The following FRMD4A variants were observed in gnomAD, a reference collection of about 807,000 sequenced individuals.
FRMD4A encodes FERM domain-containing protein 4A.
Under a neutral mutation model 129.1 loss-of-function variants are expected in FRMD4A, and 29 were observed. The ratio of observed to expected loss-of-function variants is 0.22; its 90% CI spans 0.17 to 0.31. The LOEUF (loss-of-function observed/expected upper bound fraction) is 0.31. Among genes scored for constraint, FRMD4A ranks in the 10% least tolerant of loss-of-function variants. The pLI is 1.00. For synonymous variants in FRMD4A, 634 were observed against 571.6 expected (o/e 1.11, Z -1.56); for missense variants, 1,272 against 1,375.8 (o/e 0.92, Z 1.19).
At chr10:13,963,597 T>C (rs2095462125) in intron 2 of FRMD4A, among the ~76,000 whole-genome samples, 1 of 152,230 alleles carries the variant, frequency 6.6e-6, no homozygotes, top group South Asian at 2.1e-4. Context: ...GAATGGATCA[T>C]TGATGTCACT....
chr10:13,918,597 C>T (rs1440740617), intron 2 of FRMD4A, among the ~76,000 whole-genome samples: 4 of 151,556 alleles, frequency 2.6e-5, no homozygotes, highest in African/African-American at 4.9e-5. Context: ...GGTGTGATCT[C>T]GGCTCACTGC....
At chr10:14,242,528 G>C (rs1470468416) in intron 2 of FRMD4A, among the ~76,000 whole-genome samples, 1 of 152,186 alleles carries the variant, frequency 6.6e-6, no homozygotes, top group Non-Finnish European at 1.5e-5. Context: ...GTCCAATAAA[G>C]ACATACAAAG....
chr10:14,130,467 G>A (rs10906608), intron 2 of FRMD4A, among the ~76,000 whole-genome samples: 48,548 of 151,624 alleles, frequency 0.32, 7,924 homozygotes, highest in East Asian at 0.51. Flanking sequence ...TTGCTATGAT[G>A]CCCAGGCTCC....
intron 15 of FRMD4A, chr10:13,692,453 G>A (rs1032131537): frequency 2.6e-5 from 4 of 152,238 alleles, no homozygotes; most frequent in African/African-American, 9.6e-5. Context: ...GGCCTTTAGC[G>A]GTTCTACTGA....
At chr10:14,004,335 G>A (rs2131625286) in intron 2 of FRMD4A, among the ~76,000 whole-genome samples, 1 of 152,314 alleles carries the variant, frequency 6.6e-6, no homozygotes, top group South Asian at 2.1e-4. Flanking sequence ...CTGAGGTCAG[G>A]AGTTCGAGAC....
At chr10:14,093,883 T>A (rs1361235437) in intron 2 of FRMD4A, among the ~76,000 whole-genome samples, 1 of 152,192 alleles carries the variant, frequency 6.6e-6, no homozygotes, top group African/African-American at 2.4e-5. Context: ...CAGCCCTCTT[T>A]CCCTCACTGT....
intron 2 of FRMD4A, among the ~76,000 whole-genome samples, chr10:14,115,590 C>T (rs1838157647): frequency 6.6e-6 from 1 of 152,172 alleles, no homozygotes. Flanking sequence ...ATGTTTGGAT[C>T]ATGGGAAAGG....
At chr10:14,021,861 A>G (rs1276382019) in intron 2 of FRMD4A, among the ~76,000 whole-genome samples, 2 of 152,328 alleles carry the variant, frequency 1.3e-5, no homozygotes, top group Admixed American at 6.5e-5. Context: ...TGATTTCTTC[A>G]GTATATCACC....
At chr10:14,201,993 C>G (rs912146534) in intron 2 of FRMD4A, among the ~76,000 whole-genome samples, 5 of 152,100 alleles carry the variant, frequency 3.3e-5, no homozygotes, top group African/African-American at 1.2e-4. Flanking sequence ...AACAAATTAG[C>G]TGGGCATGGT....
At chr10:13,683,747 C>A (rs1189023749) in intron 15 of FRMD4A, among the ~76,000 whole-genome samples, 1 of 151,050 alleles carries the variant, frequency 6.6e-6, no homozygotes, top group Non-Finnish European at 1.5e-5. Flanking sequence ...GAGTCTCACT[C>A]TGTCGCCCAG....
intron 14 of FRMD4A, among the ~76,000 whole-genome samples, chr10:13,694,557 C>T (rs547286283): frequency 6.6e-6 from 1 of 152,310 alleles, no homozygotes; most frequent in Non-Finnish European, 1.5e-5. Context: ...AAATGATTTT[C>T]AGTGCTGTGA....
chr10:13,744,270 A>T (rs901568389), intron 9 of FRMD4A, among the ~76,000 whole-genome samples: 1 of 152,108 alleles, frequency 6.6e-6, no homozygotes, highest in Non-Finnish European at 1.5e-5. Flanking sequence ...GCGAGGCAGA[A>T]TCCAGGTCAG....
intron 6 of FRMD4A, among the ~76,000 whole-genome samples, chr10:13,768,003 A>G (rs1344167771): frequency 1.3e-5 from 2 of 151,810 alleles, no homozygotes; most frequent in Non-Finnish European, 2.9e-5. Context: ...TGCTTTCCTT[A>G]CTACTGAATA....
intron 3 of FRMD4A, among the ~76,000 whole-genome samples, chr10:13,843,874 C>T (rs1431928990): frequency 6.6e-6 from 1 of 152,180 alleles, no homozygotes; most frequent in East Asian, 1.9e-4. Context: ...GCAGTGTAAC[C>T]ACTCCCTGCA....
chr10:13,908,162 T>C (rs1362672239), intron 2 of FRMD4A, among the ~76,000 whole-genome samples: 1 of 25,884 alleles, frequency 3.9e-5, no homozygotes, highest in East Asian at 1.2e-3. Flanking sequence ...GGAAACTCCA[T>C]CTAAAAAAAA....
At chr10:14,143,544 G>A (rs946019619) in intron 2 of FRMD4A, among the ~76,000 whole-genome samples, 8 of 152,188 alleles carry the variant, frequency 5.3e-5, no homozygotes, top group South Asian at 2.1e-4. Context: ...TGATAGCAGC[G>A]CAACAATGCG....
intron 2 of FRMD4A, among the ~76,000 whole-genome samples, chr10:14,226,153 T>C (rs577136990): frequency 5.3e-5 from 8 of 152,362 alleles, no homozygotes; most frequent in Non-Finnish European, 1.2e-4. Context: ...TCTTGATACA[T>C]ATGCAGGTTT....
At chr10:13,878,649 A>G (rs1360481200) in intron 2 of FRMD4A, among the ~76,000 whole-genome samples, 2 of 152,128 alleles carry the variant, frequency 1.3e-5, no homozygotes, top group Non-Finnish European at 2.9e-5. Flanking sequence ...GCTACTCGGG[A>G]GGCTGAGGCA....
chr10:13,666,361 G>C (rs913537203), intron 17 of FRMD4A, 36 bp from the exon 18 acceptor site: 2 of 1,455,748 alleles, frequency 1.4e-6, no homozygotes, highest in Middle Eastern at 3.5e-4. Context: ...GGTTACTGGG[G>C]ATGCTGAGCA....
Sources: allele counts gnomAD v4.1 joint callset (sites outside exome capture counted in the v4.1 genomes callset), GRCh38; gene constraint gnomAD v4.1.1; transcripts MANE v1.5; gene names NCBI Gene and HGNC (gene_info 2026-07-23, HGNC 2026-07-21).